The following RAD51B variants were observed in gnomAD, a reference collection of about 807,000 sequenced individuals.
RAD51B encodes the protein DNA repair protein RAD51 homolog 2.
RAD51B carries 38 observed loss-of-function variants against 42.2 expected under a neutral mutation model. The observed-to-expected ratio is 0.90, with a 90% CI of 0.70 to 1.18. The LOEUF (loss-of-function observed/expected upper bound fraction) is 1.18. RAD51B is among the 50% of genes most tolerant of loss of function. The pLI is 0.00. For synonymous variants in RAD51B, 154 were observed against 145.2 expected (o/e 1.06, Z -0.43); for missense variants, 373 against 400.7 (o/e 0.93, Z 0.59).
rs536144917 is a variant in RAD51B at position 68,464,095 on chromosome 14, G to A, written c.958-4077G>A. ...GCATTTCATTTAGTTCAATAAAATT[G>A]CATCCCAAACAATGTGTAGGATTTG... On this transcript the variant is annotated intron_variant, in intron 9 of 10. Coordinates refer to ENST00000471583, the MANE Select transcript of RAD51B (RefSeq NM_133510.4). 1.2e-4 allele frequency among the ~76,000 whole-genome samples: 19 copies of A among 152,256 alleles called. 1 individual carries two copies. Among genetic ancestry groups the A allele is most frequent in the African/African-American group, 4.1e-4 (17 of 41,558 alleles).
chr14:67,864,770 T>C (rs901965172), intron 4 of RAD51B: 15 of 688,652 alleles, frequency 2.2e-5, no homozygotes, highest in East Asian at 3.5e-5. Flanking sequence ...GAGTGACTAT[T>C]TTCTCAATTC....
chr14:68,060,867 G>A (rs2140439744), intron 7 of RAD51B, among the ~76,000 whole-genome samples: 1 of 152,200 alleles, frequency 6.6e-6, no homozygotes, highest in Non-Finnish European at 1.5e-5. Flanking sequence ...TAGTGCCTTT[G>A]TCAAAAATTA....
Position 68,291,600 on chromosome 14 carries a change from T to C in RAD51B, c.757-284T>C, listed in dbSNP as rs117934501. Among the ~76,000 whole-genome samples, 438 of 152,320 alleles carry C rather than the reference T, an allele frequency of 2.9e-3. 12 individuals carry two copies. In the East Asian group the frequency reaches 0.049, roughly 17 times the overall value. On this transcript the variant is annotated intron_variant, in intron 7 of 10. Transcript: ENST00000471583. ...TAACCAATATGATAACACCCCTCAG[T>C]CCCAACTTACTCAGCATTTAGAATG...
intron 7 of RAD51B, among the ~76,000 whole-genome samples, chr14:68,210,542 T>C (rs753026416): frequency 1.3e-5 from 2 of 152,136 alleles, no homozygotes; most frequent in Non-Finnish European, 2.9e-5. Context: ...GGAATGACCA[T>C]TGTGTGTGTC....
intron 7 of RAD51B, among the ~76,000 whole-genome samples, chr14:67,957,259 G>T (rs1156819440): frequency 1.3e-5 from 2 of 152,246 alleles, no homozygotes; most frequent in Admixed American, 6.5e-5. Context: ...CCAACTGCAG[G>T]AAATGCTTGG....
intron 7 of RAD51B, among the ~76,000 whole-genome samples, chr14:68,269,250 G>T (rs1348996423): frequency 1.3e-5 from 2 of 152,198 alleles, no homozygotes; most frequent in Admixed American, 6.5e-5. Flanking sequence ...ACATAAACCA[G>T]ATCATGTCAG....
chr14:67,891,339 T>C (rs1414876599), intron 7 of RAD51B, among the ~76,000 whole-genome samples: 2 of 152,188 alleles, frequency 1.3e-5, no homozygotes, highest in African/African-American at 4.8e-5. Flanking sequence ...AATCCGTTTT[T>C]CTGTGGCCAT....
At chr14:68,306,285 T>C (rs977575505) in intron 8 of RAD51B, among the ~76,000 whole-genome samples, 12 of 152,266 alleles carry the variant, frequency 7.9e-5, no homozygotes, top group African/African-American at 2.7e-4. Context: ...AAGTACTTTC[T>C]GGTCCTGTAA....
At chr14:68,600,325 T>C (rs912254189), downstream of RAD51B, among the ~76,000 whole-genome samples, 5 of 152,300 alleles carry the variant, frequency 3.3e-5, no homozygotes, top group East Asian at 9.7e-4. Context: ...TCACTGGAGA[T>C]TTAGGGCCTA....
At chr14:68,060,819 T>G (rs951556881) in intron 7 of RAD51B, among the ~76,000 whole-genome samples, 1 of 152,198 alleles carries the variant, frequency 6.6e-6, no homozygotes, top group Non-Finnish European at 1.5e-5. Context: ...CCCAGCACCA[T>G]TTATTGAGAA....
chr14:68,437,552 A>C (rs908926120), intron 9 of RAD51B, among the ~76,000 whole-genome samples: 1 of 152,204 alleles, frequency 6.6e-6, no homozygotes, highest in African/African-American at 2.4e-5. Context: ...AGACAAGACA[A>C]CTAAGTGTTC....
At chr14:68,274,923 T>A (rs1281894625) in intron 7 of RAD51B, among the ~76,000 whole-genome samples, 1 of 152,178 alleles carries the variant, frequency 6.6e-6, no homozygotes, top group Non-Finnish European at 1.5e-5. Context: ...ACTCTATAGG[T>A]GGTGCTAGTA....
intron 9 of RAD51B, among the ~76,000 whole-genome samples, chr14:68,415,031 CAAAAAAAAAAAAAAA>C (rs71129885): frequency 3.1e-5 from 1 of 32,502 alleles, no homozygotes; most frequent in Non-Finnish European, 5.6e-5. Flanking sequence ...GACTCTGTCT[CAAAAAAAAAAAAAAA>C]AAAAAAAAAA....
rs1359390380 is a variant in RAD51B at position 68,168,832 on chromosome 14, G to GT, written c.757-123043dup. The stretch of plus-strand genomic sequence containing the variant: ...GTGCAATTACTACTAAAACAGCTTT[G>GT]TTTTTTTTTCTTTCCAAGTGAACAT... On this transcript the variant is annotated intron_variant, in intron 7 of 10. Coordinates refer to ENST00000471583, the MANE Select transcript of RAD51B (RefSeq NM_133510.4). Among the ~76,000 whole-genome samples the GT allele has an allele frequency of 2.7e-5, 4 of 150,812 alleles. No homozygotes were observed. In the South Asian group the frequency reaches 6.3e-4, roughly 24 times the overall value.
intron 7 of RAD51B, among the ~76,000 whole-genome samples, chr14:68,046,155 ACT>A (rs2076296133): frequency 6.6e-6 from 1 of 152,062 alleles, no homozygotes; most frequent in Non-Finnish European, 1.5e-5. Context: ...ACAAGGTCTC[ACT>A]CTGTCACCCA....
rs137979226 is a variant in RAD51B at position 68,191,093 on chromosome 14, T to C, written c.757-100791T>C. Among the ~76,000 whole-genome samples the C allele has an allele frequency of 8.8e-4, 134 of 152,324 alleles. 1 individual carries two copies. The highest frequency in any genetic ancestry group is 3.4e-3 in the Middle Eastern group (1 of 294). The stretch of plus-strand genomic sequence containing the variant: ...AAAGAATGTTATAAATATAAAAAAG[T>C]ACTTGTGTTAAATAAATGTTATTGT... On this transcript the variant is annotated intron_variant, in intron 7 of 10. Coordinates refer to ENST00000471583, the MANE Select transcript of RAD51B (RefSeq NM_133510.4).
chr14:68,611,695 A>C, downstream of RAD51B: 1 of 248,924 alleles, frequency 4.0e-6, no homozygotes, highest in East Asian at 5.8e-5. Flanking sequence ...GGGAATTTGG[A>C]AAAAGCTAAG....
In RAD51B at chr14:68,414,923, C is replaced by G. The variant is rs557520579; in HGVS notation, c.957+3396C>G. Among the ~76,000 whole-genome samples the G allele has an allele frequency of 3.4e-5, 5 of 146,372 alleles. No homozygotes were observed. In the South Asian group the frequency reaches 6.6e-4, roughly 19 times the overall value. ...GGCGCATACCTGTAGTCCCAGCTAC[C>G]CAGGAGGCTGAGGTAGGAGAATCAC... On this transcript the variant is annotated intron_variant, in intron 9 of 10. Transcript: ENST00000471583.
At chr14:68,605,880 C>T (rs940976302) in intron 10 of RAD51B, among the ~76,000 whole-genome samples, 2 of 152,298 alleles carry the variant, frequency 1.3e-5, no homozygotes, top group East Asian at 1.9e-4. Context: ...GGAATGCAGT[C>T]TCATTCGCCC....
Sources: allele counts gnomAD v4.1 joint callset (sites outside exome capture counted in the v4.1 genomes callset), GRCh38; gene constraint gnomAD v4.1.1; transcripts MANE v1.5; gene names NCBI Gene and HGNC (gene_info 2026-07-23, HGNC 2026-07-21).